The following TMEFF1 variants were observed in gnomAD, a reference collection of about 807,000 sequenced individuals.
The protein encoded by TMEFF1 is tomoregulin-1.
A neutral mutation model predicts 47.5 loss-of-function variants in TMEFF1; 20 were observed. That is an observed-to-expected ratio of 0.42 (90% CI 0.30 to 0.61). The LOEUF (loss-of-function observed/expected upper bound fraction) is 0.61. TMEFF1 is among the 20% of genes least tolerant of loss of function. The pLI is 0.19. For missense variants in TMEFF1, 411 were observed against 471.1 expected (o/e 0.87, Z 1.18); for synonymous variants, 162 against 166.3 (o/e 0.97, Z 0.20).
At chr9:100,495,038 T>G (rs546680064) in intron 1 of TMEFF1, among the ~76,000 whole-genome samples, 3 of 152,012 alleles carry the variant, frequency 2.0e-5, no homozygotes, top group East Asian at 1.9e-4. Flanking sequence ...AAATGAGAAG[T>G]TTTTTTTGTT....
At chr9:100,572,383 C>A in intron 8 of TMEFF1, 135 bp from the exon 9 acceptor site, 1 of 1,001,500 alleles carries the variant, frequency 1.0e-6, no homozygotes, top group Non-Finnish European at 1.3e-6. Flanking sequence ...GACATTTTTC[C>A]CCCAGATGGT....
At position 100,473,643 on chromosome 9, in the gene TMEFF1, T is replaced by C. The variant is rs1410838369; in HGVS notation, c.99T>C (p.Ser33=). Residue 33 remains serine, a synonymous_variant, in exon 1 of 10, where the codon TCT becomes TCC. Transcript: ENST00000374879. This position sits in a 1 kb window ranked among gnomAD's most constrained non-coding sequence, Gnocchi z 5.4. ...YTSVLLLFAF[S]LPGSRASNQP... The stretch of plus-strand genomic sequence containing the variant: ...CGGTGCTTCTGCTCTTCGCCTTCTC[T>C]CTGCCCGGGAGCCGCGCGTCCAACC... The C allele has an allele frequency of 5.2e-6, 8 of 1,552,652 alleles. No homozygotes were observed. Among genetic ancestry groups the C allele is most frequent in the Non-Finnish European group, 7.0e-6 (8 of 1,149,370 alleles).
chr9:100,531,012 A>C (rs1838365832), intron 5 of TMEFF1, among the ~76,000 whole-genome samples: 1 of 151,628 alleles, frequency 6.6e-6, no homozygotes, highest in South Asian at 2.1e-4. Flanking sequence ...TAGATGCAGA[A>C]AAAGCCTTTG....
At chr9:100,576,135 T>C (rs1236367266) in intron 9 of TMEFF1, among the ~76,000 whole-genome samples, 3 of 152,318 alleles carry the variant, frequency 2.0e-5, no homozygotes, top group Admixed American at 1.3e-4. Context: ...GGAAAGTACA[T>C]AGGCCAGAGT....
At position 100,473,735 on chromosome 9, in the gene TMEFF1, G is replaced by C; in HGVS notation, c.191G>C (p.Cys64Ser). ...CPGGKGKSIN[C>S]SELNVRESDV... ...GGCGGCAAAGGCAAGAGCATCAACT[G>C]CTCAGGTAGGACCGGTCGGAGCCGG... Residue 64 changes from cysteine (C) to serine (S), a missense_variant, in exon 1 of 10, where the codon TGC (cysteine) becomes TCC (serine). Cys to Ser is a moderately radical substitution (Grantham distance 112, BLOSUM62 -1). Coordinates refer to ENST00000374879, the MANE Select transcript of TMEFF1 (RefSeq NM_003692.5). This position sits in a 1 kb window ranked among gnomAD's most constrained non-coding sequence, Gnocchi z 5.4. The C allele has an allele frequency of 2.6e-6, 4 of 1,526,394 alleles. No individual in the cohort carries two copies. The highest frequency in any genetic ancestry group is 3.5e-6 in the Non-Finnish European group (4 of 1,135,500). The allele number at this position is 1,526,394 out of a possible 1,614,324, so 94.6% of individuals were successfully genotyped here. A position where few individuals can be genotyped will look rare whatever the true frequency, so the allele number is the denominator to read the frequency against.
At chr9:100,496,669 C>T (rs548035690) in intron 1 of TMEFF1, among the ~76,000 whole-genome samples, 1 of 152,336 alleles carries the variant, frequency 6.6e-6, no homozygotes, top group South Asian at 2.1e-4. Flanking sequence ...GGTTTAGGTT[C>T]TAGCTTGCAA....
intron 2 of TMEFF1, among the ~76,000 whole-genome samples, chr9:100,499,647 A>G (rs1278984900): frequency 6.6e-6 from 1 of 152,150 alleles, no homozygotes; most frequent in Non-Finnish European, 1.5e-5. Context: ...GAGAGTTAGT[A>G]TTTCTGGTAA....
chr9:100,563,723 G>C (rs1338791455), intron 8 of TMEFF1, among the ~76,000 whole-genome samples: 1 of 152,148 alleles, frequency 6.6e-6, no homozygotes, highest in African/African-American at 2.4e-5. Context: ...TTAGTCAGGG[G>C]CTCTTTGTTT....
intron 3 of TMEFF1, among the ~76,000 whole-genome samples, chr9:100,512,111 C>A (rs1047796871): frequency 6.6e-6 from 1 of 152,016 alleles, no homozygotes; most frequent in Admixed American, 6.6e-5. Context: ...TATGTGGAAT[C>A]GAAGTAATAA....
At position 100,473,354 on chromosome 9, in the gene TMEFF1, A is replaced by G. The variant is rs1837153189; in HGVS notation, c.-191A>G. The G allele has an allele frequency of 3.3e-6, 1 of 304,198 alleles. No individual in the cohort carries two copies. The allele number at this position is 304,198 out of a possible 1,614,324, so 18.8% of individuals were successfully genotyped here. On this transcript the variant is annotated 5_prime_UTR_variant, in exon 1 of 10. Transcript: ENST00000374879. This position sits in a 1 kb window ranked among gnomAD's most constrained non-coding sequence, Gnocchi z 5.4. ...CCCTCGCACGCGCCCGGACCCGCCG[A>G]CTCCGTCCCGAGCGCCGCGGGCCCG...
intron 9 of TMEFF1, among the ~76,000 whole-genome samples, chr9:100,574,999 C>G (rs1012478849): frequency 6.6e-6 from 1 of 152,198 alleles, no homozygotes; most frequent in Non-Finnish European, 1.5e-5. Context: ...TGCCCACTGT[C>G]TCTACGATTG....
rs567294895 is a variant in TMEFF1 at position 100,513,535 on chromosome 9, C to A, written c.463+202C>A. Among the ~76,000 whole-genome samples, 7 of 152,036 alleles carry A rather than the reference C, an allele frequency of 4.6e-5. No homozygotes were observed. In the East Asian group the frequency reaches 1.2e-3, roughly 25 times the overall value. On this transcript the variant is annotated intron_variant, in intron 4 of 9. Coordinates refer to ENST00000374879, the MANE Select transcript of TMEFF1 (RefSeq NM_003692.5). ...GATATTCAGAGTTATATATTCATCA[C>A]CACAGTCACTCTTAGAACATTTTAA...
intron 6 of TMEFF1, among the ~76,000 whole-genome samples, chr9:100,548,824 A>G (rs1025778771): frequency 1.3e-5 from 2 of 152,078 alleles, no homozygotes; most frequent in Non-Finnish European, 2.9e-5. Context: ...TCATCAGACA[A>G]TTTTTAGGTA....
At chr9:100,525,394 C>T (rs960189892) in intron 5 of TMEFF1, among the ~76,000 whole-genome samples, 3 of 152,022 alleles carry the variant, frequency 2.0e-5, no homozygotes, top group Non-Finnish European at 4.4e-5. Context: ...TTTGCTAAAA[C>T]ACAGAACTTG....
chr9:100,546,050 C>A (rs980839492), intron 5 of TMEFF1, among the ~76,000 whole-genome samples: 15 of 152,202 alleles, frequency 9.9e-5, no homozygotes, highest in African/African-American at 3.4e-4. Context: ...CTTCTGAGCC[C>A]TCCAAACTGT....
chr9:100,521,563 A>G (rs1381910915), intron 5 of TMEFF1, among the ~76,000 whole-genome samples: 1 of 152,200 alleles, frequency 6.6e-6, no homozygotes, highest in African/African-American at 2.4e-5. Context: ...CTCACTTTCT[A>G]AACAGTATTT....
intron 1 of TMEFF1, among the ~76,000 whole-genome samples, chr9:100,485,641 G>A (rs147912109): frequency 3.3e-5 from 5 of 152,050 alleles, no homozygotes; most frequent in African/African-American, 9.6e-5. Flanking sequence ...AGCTGGATTG[G>A]GAGATAACTT....
At chr9:100,498,684 T>TAC (rs372284828) in intron 1 of TMEFF1, 81 bp from the exon 2 acceptor site, 138,666 of 1,246,702 alleles carry the variant, frequency 0.11, 4,571 homozygotes, top group Middle Eastern at 0.18. Context: ...GACTTTTTCA[T>TAC]ACACACACAC....
Position 100,576,648 on chromosome 9 carries a change from T to G in TMEFF1, c.*48T>G. The G allele has an allele frequency of 1.9e-6, 3 of 1,552,724 alleles. No homozygotes were observed. The highest frequency in any genetic ancestry group is 2.6e-6 in the Non-Finnish European group (3 of 1,151,608). On this transcript the variant is annotated 3_prime_UTR_variant, in exon 10 of 10. Coordinates refer to ENST00000374879, the MANE Select transcript of TMEFF1 (RefSeq NM_003692.5). Reference sequence around the variant, plus strand: ...CTGACCATGTGATGTACATTTATTATGTCTTTTTTTAAAGAATGGAAATAT... The same window carrying G: ...CTGACCATGTGATGTACATTTATTAGGTCTTTTTTTAAAGAATGGAAATAT...
Sources: gnomAD v4.1 joint callset for allele counts (sites outside exome capture counted in the v4.1 genomes callset) on GRCh38, gnomAD v4.1.1 for gene constraint, Gnocchi (gnomAD v3.1) non-coding constraint, MANE v1.5 for transcripts, NCBI Gene and HGNC (gene_info 2026-07-23, HGNC 2026-07-21) for gene names.